PKP2: variants seen among roughly 807,000 people sequenced by gnomAD.
PKP2 encodes the protein plakophilin-2.
A neutral mutation model predicts 83.4 loss-of-function variants in PKP2; 73 were observed. The ratio of observed to expected loss-of-function variants is 0.88; its 90% CI spans 0.72 to 1.06. The LOEUF (loss-of-function observed/expected upper bound fraction) is 1.06. Among genes scored for constraint, PKP2 ranks in the 50% least tolerant of loss-of-function variants. The probability of loss-of-function intolerance (pLI) is 0.00; values close to 1 mark genes in which losing one functional copy is unlikely to be tolerated. For missense variants in PKP2, 966 were observed against 1,065.4 expected (o/e 0.91, Z 1.30); for synonymous variants, 409 against 430.4 (o/e 0.95, Z 0.62).
At chr12:32,869,198 G>C in intron 3 of PKP2, 136 bp from the exon 4 acceptor site, 1 of 979,962 alleles carries the variant, frequency 1.0e-6, no homozygotes, top group Non-Finnish European at 1.6e-6. Flanking sequence ...TCAGCCAAAA[G>C]AAAAATCAGC....
At chr12:32,891,247 C>T (rs537291579) in intron 1 of PKP2, among the ~76,000 whole-genome samples, 1 of 152,078 alleles carries the variant, frequency 6.6e-6, no homozygotes, top group Non-Finnish European at 1.5e-5. Flanking sequence ...ATAATTTAAA[C>T]TTGTTGAATG....
intron 11 of PKP2, among the ~76,000 whole-genome samples, chr12:32,795,581 A>T (rs757310689): frequency 6.6e-5 from 10 of 152,092 alleles, no homozygotes; most frequent in Middle Eastern, 3.2e-3. Flanking sequence ...GGGTTTTGCC[A>T]TGTCGGCCAG....
At chr12:32,805,719 C>T (rs769575605) in intron 9 of PKP2, among the ~76,000 whole-genome samples, 4 of 152,088 alleles carry the variant, frequency 2.6e-5, no homozygotes, top group Non-Finnish European at 5.9e-5. Flanking sequence ...CCCTGTAACA[C>T]AGTTTGAAGT....
chr12:32,866,076 A>C (rs1328226817), intron 4 of PKP2, among the ~76,000 whole-genome samples: 1 of 152,182 alleles, frequency 6.6e-6, no homozygotes, highest in African/African-American at 2.4e-5. Context: ...AGGAGAATGA[A>C]AAAACAGAGC....
In PKP2 at chr12:32,821,344, C is replaced by T. The variant is rs759733017; in HGVS notation, c.2013+12G>A. The T allele has an allele frequency of 6.2e-7, 1 of 1,611,530 alleles. No individual in the cohort carries two copies. The highest frequency in any genetic ancestry group is 1.7e-4 in the Middle Eastern group (1 of 6,024). On this transcript the variant is annotated intron_variant, in intron 9 of 12. Coordinates refer to ENST00000340811, the MANE Select transcript of PKP2 (RefSeq NM_001005242.3). ...TTATTTTAAAAAGTAGGAAATCAGGCCCAATACTCACTGGTCCACTTCCGG... is the reference window on the plus strand; with the variant it reads ...TTATTTTAAAAAGTAGGAAATCAGGTCCAATACTCACTGGTCCACTTCCGG...
chr12:32,874,481 A>G (rs1252282023), intron 3 of PKP2, among the ~76,000 whole-genome samples: 1 of 152,188 alleles, frequency 6.6e-6, no homozygotes, highest in Admixed American at 6.5e-5. Flanking sequence ...GTTGATTTCT[A>G]TGATTTCTAC....
intron 6 of PKP2, among the ~76,000 whole-genome samples, chr12:32,828,288 C>T (rs1956462032): frequency 6.6e-6 from 1 of 152,170 alleles, no homozygotes; most frequent in African/African-American, 2.4e-5. Flanking sequence ...TTATCTCACA[C>T]ATTCCTGAGT....
At position 32,792,329 on chromosome 12, in the gene PKP2, C is replaced by T. The variant is rs1592724282; in HGVS notation, c.*95G>A. 1 of 872,060 alleles carries T rather than the reference C, an allele frequency of 1.1e-6. No homozygotes were observed. The highest frequency in any genetic ancestry group is 2.4e-5 in the East Asian group (1 of 41,110). 54.0% of individuals were successfully genotyped at this position (872,060 alleles called of 1,614,324 possible). A position where few individuals can be genotyped will look rare whatever the true frequency, so the allele number is the denominator to read the frequency against. On this transcript the variant is annotated 3_prime_UTR_variant, in exon 13 of 13. Coordinates refer to ENST00000340811, the MANE Select transcript of PKP2 (RefSeq NM_001005242.3). Reference sequence around the variant, plus strand: ...CCACGGAAATAGAGAAGGATAGAAACAAGGCATGCTTTTGAGGTTTCTTGG... The same window carrying T: ...CCACGGAAATAGAGAAGGATAGAAATAAGGCATGCTTTTGAGGTTTCTTGG...
In PKP2 at chr12:32,849,685, A is replaced by C. The variant is rs554181731; in HGVS notation, c.1378+1081T>G. Among the ~76,000 whole-genome samples the C allele has an allele frequency of 2.0e-5, 3 of 152,288 alleles. No individual in the cohort carries two copies. In the South Asian group the frequency reaches 6.2e-4, roughly 32 times the overall value. ...TCTCTTCATGCTTAGAGGACATATT[A>C]CTAACACTGCTGTTTTAATTCTATC... is the stretch of plus-strand genomic sequence containing the variant. On this transcript the variant is annotated intron_variant, in intron 5 of 12. Coordinates refer to ENST00000340811, the MANE Select transcript of PKP2 (RefSeq NM_001005242.3).
At position 32,807,337 on chromosome 12, in the gene PKP2, C is replaced by G. The variant is rs116641089; in HGVS notation, c.2014-4781G>C. 3.9e-3 allele frequency among the ~76,000 whole-genome samples: 593 copies of G among 152,286 alleles called. 3 individuals carry two copies. The highest frequency in any genetic ancestry group is 0.014 in the African/African-American group (571 of 41,572). On this transcript the variant is annotated intron_variant, in intron 9 of 12. Coordinates refer to ENST00000340811, the MANE Select transcript of PKP2 (RefSeq NM_001005242.3). ...TGGTGTAAAGTCTGTTTTGTCAGAA[C>G]TAGGATTGCAACCCTTGCTTTTTTC...
At chr12:32,826,420 G>A (rs967005293) in intron 6 of PKP2, among the ~76,000 whole-genome samples, 2 of 151,594 alleles carry the variant, frequency 1.3e-5, no homozygotes, top group Non-Finnish European at 2.9e-5. Context: ...GACAAAACCC[G>A]ACTGTTTTAA....
intron 9 of PKP2, among the ~76,000 whole-genome samples, chr12:32,816,495 G>C (rs1956321147): frequency 6.6e-6 from 1 of 152,180 alleles, no homozygotes; most frequent in Non-Finnish European, 1.5e-5. Flanking sequence ...CCACGGATGG[G>C]CACCCTGGTG....
chr12:32,869,341 A>C (rs949584141), intron 3 of PKP2, among the ~76,000 whole-genome samples: 3 of 152,100 alleles, frequency 2.0e-5, no homozygotes, highest in African/African-American at 7.2e-5. Context: ...TTAAAAATAA[A>C]TATGAGGCTG....
intron 9 of PKP2, among the ~76,000 whole-genome samples, chr12:32,812,541 C>T (rs747507083): frequency 2.0e-5 from 3 of 152,090 alleles, no homozygotes; most frequent in East Asian, 3.9e-4. Flanking sequence ...CTCGCTCTGT[C>T]GCCCAGGCTG....
At chr12:32,874,480 T>G (rs1956917523) in intron 3 of PKP2, among the ~76,000 whole-genome samples, 1 of 152,224 alleles carries the variant, frequency 6.6e-6, no homozygotes, top group African/African-American at 2.4e-5. Context: ...AGTTGATTTC[T>G]ATGATTTCTA....
At chr12:32,818,083 C>G (rs1285453746) in intron 9 of PKP2, among the ~76,000 whole-genome samples, 2 of 152,188 alleles carry the variant, frequency 1.3e-5, no homozygotes, top group Non-Finnish European at 2.9e-5. Context: ...TCCATGAAAC[C>G]AGTCCCTGGT....
rs1216990619 is a variant in PKP2 at position 32,882,508 on chromosome 12, G to GT, written c.224-3477dup. On this transcript the variant is annotated intron_variant, in intron 1 of 12. Coordinates refer to ENST00000340811, the MANE Select transcript of PKP2 (RefSeq NM_001005242.3). Reference sequence around the variant, plus strand: ...ATCCCTGCAAAGGTTTTCTAAATGTGTAAGAATCTTTGGACAGGACCCAGT... The same window carrying GT: ...ATCCCTGCAAAGGTTTTCTAAATGTGTTAAGAATCTTTGGACAGGACCCAGT... Among the ~76,000 whole-genome samples, 11 of 152,122 alleles carry GT rather than the reference G, an allele frequency of 7.2e-5. 1 individual carries two copies. Among genetic ancestry groups the GT allele is most frequent in the Admixed American group, 5.9e-4 (9 of 15,268 alleles).
At chr12:32,822,434 C>A in intron 8 of PKP2, 33 bp downstream of exon 8, 1 of 1,581,954 alleles carries the variant, frequency 6.3e-7, no homozygotes, top group South Asian at 1.1e-5. Context: ...CATTCTCTCC[C>A]TTTCTCATTC....
chr12:32,852,897 C>G (rs1463210827), intron 4 of PKP2, among the ~76,000 whole-genome samples: 1 of 152,120 alleles, frequency 6.6e-6, no homozygotes, highest in African/African-American at 2.4e-5. Context: ...GCCTGGCCAA[C>G]ATAGTGAAAC....
Sources: gnomAD v4.1 joint callset for allele counts (sites outside exome capture counted in the v4.1 genomes callset) on GRCh38, gnomAD v4.1.1 for gene constraint, MANE v1.5 for transcripts, NCBI Gene and HGNC (gene_info 2026-07-23, HGNC 2026-07-21) for gene names.